ADGRB3: variants seen among roughly 807,000 people sequenced by gnomAD.
ADGRB3 encodes the protein adhesion G protein-coupled receptor B3.
In ADGRB3, 37 loss-of-function variants were observed where a neutral mutation model predicts 193.4. The observed-to-expected ratio is 0.19, with a 90% CI of 0.15 to 0.25. The LOEUF is 0.25. ADGRB3 is among the 10% of genes least tolerant of loss of function. ADGRB3 has a pLI of 1.00. For missense variants in ADGRB3, 1,637 were observed against 1,852.9 expected, an observed-to-expected ratio of 0.88 and a Z score of 2.14; for synonymous variants, 690 against 644.2, an observed-to-expected ratio of 1.07 and a Z score of -1.08.
intron 3 of ADGRB3, among the ~76,000 whole-genome samples, chr6:68,718,544 G>T (rs1401462799): frequency 6.6e-6 from 1 of 151,648 alleles, no homozygotes; most frequent in Non-Finnish European, 1.5e-5. Flanking sequence ...ATTTTCTCAA[G>T]TTGTTCCCTC....
Position 68,859,595 on chromosome 6 carries a change from G to A in ADGRB3, c.758-70964G>A, listed in dbSNP as rs116534699. On this transcript the variant is annotated intron_variant, in intron 3 of 31. Coordinates refer to ENST00000370598, the MANE Select transcript of ADGRB3 (RefSeq NM_001704.3). Reference sequence around the variant, plus strand: ...TAGCAAAGGGATGTCTTACATGGTGGCAGGCAAGAGAGAACTTGTGTAGGG... The same window carrying A: ...TAGCAAAGGGATGTCTTACATGGTGACAGGCAAGAGAGAACTTGTGTAGGG... Among the ~76,000 whole-genome samples, 511 of 152,342 alleles carry A rather than the reference G, an allele frequency of 3.4e-3. 1 individual carries two copies. The highest frequency in any genetic ancestry group is 0.012 in the African/African-American group (499 of 41,570).
chr6:68,975,248 C>T lies in ADGRB3; in HGVS notation c.1642C>T (p.Arg548Cys), dbSNP rs777291466. The change falls in exon 10 of 32, where the codon CGC becomes TGC. Residue 548 changes from arginine (R) to cysteine (C), a missense_variant. Arg to Cys is a radical substitution (Grantham distance 180). Around this residue, in one of 7 missense-constraint regions of ADGRB3, gnomAD observed 641 missense variants for 673.9 expected, o/e 0.95. Coordinates refer to ENST00000370598, the MANE Select transcript of ADGRB3 (RefSeq NM_001704.3). ...GTGACACACAGGCACCACTAGCAGA[C>T]GCTGCTCTCTCAGTCTTCATGGAGT... is the stretch of plus-strand genomic sequence containing the variant. Reference protein sequence around the residue: ...PLNATGTTSRRCSLSLHGVAF... With the variant: ...PLNATGTTSRCCSLSLHGVAF... 5 of 1,613,748 alleles carry T rather than the reference C, an allele frequency of 3.1e-6. No homozygotes were observed. The highest frequency in any genetic ancestry group is 2.2e-5 in the East Asian group (1 of 44,862).
intron 20 of ADGRB3, among the ~76,000 whole-genome samples, chr6:69,270,142 G>A (rs1767141680): frequency 6.6e-6 from 1 of 152,096 alleles, no homozygotes; most frequent in South Asian, 2.1e-4. Context: ...TTTAATATTA[G>A]ACTTCCAGCA....
intron 26 of ADGRB3, among the ~76,000 whole-genome samples, chr6:69,341,931 T>G (rs929133312): frequency 2.0e-5 from 3 of 152,164 alleles, no homozygotes; most frequent in Non-Finnish European, 4.4e-5. Flanking sequence ...GCTTCTCTTT[T>G]TCTTCAGAAT....
chr6:69,009,017 T>C (rs1769855240), intron 11 of ADGRB3, among the ~76,000 whole-genome samples: 1 of 149,260 alleles, frequency 6.7e-6, no homozygotes, highest in Admixed American at 6.8e-5. Context: ...AAACTATTTA[T>C]TGTTTTCTAT....
intron 17 of ADGRB3, among the ~76,000 whole-genome samples, chr6:69,197,344 G>A (rs1404228568): frequency 6.6e-6 from 1 of 151,732 alleles, no homozygotes; most frequent in Non-Finnish European, 1.5e-5. Context: ...ATATACATGT[G>A]TATTATAGTA....
At chr6:69,271,902 G>A (rs939679640) in intron 20 of ADGRB3, among the ~76,000 whole-genome samples, 13 of 151,972 alleles carry the variant, frequency 8.6e-5, no homozygotes, top group African/African-American at 2.4e-4. Flanking sequence ...AAAAACATAC[G>A]AATTTTTCCT....
At chr6:69,331,527 C>G in intron 23 of ADGRB3, 3 of 985,176 alleles carry the variant, frequency 3.0e-6, no homozygotes, top group Non-Finnish European at 3.6e-6. Flanking sequence ...GTTTTTTTCT[C>G]CCTTTAAGCT....
intron 20 of ADGRB3, among the ~76,000 whole-genome samples, chr6:69,310,250 T>C (rs1768162350): frequency 6.6e-6 from 1 of 151,754 alleles, no homozygotes; most frequent in African/African-American, 2.4e-5. Context: ...GACGAAATGG[T>C]ATAATGCATG....
intron 17 of ADGRB3, among the ~76,000 whole-genome samples, chr6:69,099,645 A>C (rs1027111441): frequency 6.6e-6 from 1 of 152,208 alleles, no homozygotes; most frequent in Non-Finnish European, 1.5e-5. Flanking sequence ...CTTGTTGATT[A>C]ATTCTACCCA....
chr6:69,108,769 G>C (rs1409419337), intron 17 of ADGRB3, among the ~76,000 whole-genome samples: 1 of 152,140 alleles, frequency 6.6e-6, no homozygotes, highest in East Asian at 1.9e-4. Context: ...CTTTTAGGCA[G>C]AAAACTGTGT....
rs1765086334 is a variant in ADGRB3 at position 68,859,431 on chromosome 6, C to A, written c.758-71128C>A. ...TTTCAGCAACACCCCACTCCTGGTACCAATTTACTGTATTCGTCTGTTCTC... is the reference window on the plus strand; with the variant it reads ...TTTCAGCAACACCCCACTCCTGGTAACAATTTACTGTATTCGTCTGTTCTC... On this transcript the variant is annotated intron_variant, in intron 3 of 31. Transcript: ENST00000370598. Among the ~76,000 whole-genome samples the A allele has an allele frequency of 3.3e-5, 5 of 152,276 alleles. No homozygotes were observed. The South Asian group carries it at 1.0e-3, about 32-fold the overall frequency.
intron 3 of ADGRB3, among the ~76,000 whole-genome samples, chr6:68,804,332 C>T (rs1460273026): frequency 6.6e-6 from 1 of 152,218 alleles, no homozygotes; most frequent in Non-Finnish European, 1.5e-5. Flanking sequence ...AAATGTCAAT[C>T]TGCTGTGTCA....
chr6:69,097,720 A>G (rs906683546), intron 17 of ADGRB3, among the ~76,000 whole-genome samples: 15 of 151,942 alleles, frequency 9.9e-5, no homozygotes, highest in Non-Finnish European at 5.9e-5. Flanking sequence ...GTGTGTATAT[A>G]TGGCTATATG....
At chr6:69,271,910 C>T (rs1422930529) in intron 20 of ADGRB3, among the ~76,000 whole-genome samples, 3 of 152,062 alleles carry the variant, frequency 2.0e-5, no homozygotes, top group Non-Finnish European at 4.4e-5. Context: ...ACGAATTTTT[C>T]CTTGCTTATA....
intron 26 of ADGRB3, among the ~76,000 whole-genome samples, chr6:69,344,800 G>A (rs1769049948): frequency 6.6e-6 from 1 of 152,130 alleles, no homozygotes; most frequent in African/African-American, 2.4e-5. Flanking sequence ...AAACTCATGG[G>A]TTCCTAAGGG....
chr6:68,783,409 C>T (rs1160276485), intron 3 of ADGRB3, among the ~76,000 whole-genome samples: 1 of 150,594 alleles, frequency 6.6e-6, no homozygotes, highest in Non-Finnish European at 1.5e-5. Flanking sequence ...CTAGGCTATA[C>T]TGCAGTAGCC....
intron 15 of ADGRB3, among the ~76,000 whole-genome samples, chr6:69,059,291 G>A (rs908319213): frequency 6.6e-6 from 1 of 151,782 alleles, no homozygotes; most frequent in African/African-American, 2.4e-5. Context: ...TTCTCTTTTG[G>A]TTATCTTTTA....
chr6:69,256,058 C>G lies in ADGRB3; in HGVS notation c.2814+16832C>G, dbSNP rs534620901. Among the ~76,000 whole-genome samples the G allele has an allele frequency of 3.1e-3, 477 of 151,810 alleles. 1 individual carries two copies. Among genetic ancestry groups the G allele is most frequent in the African/African-American group, 0.011 (450 of 41,366 alleles). On this transcript the variant is annotated intron_variant, in intron 20 of 31. Transcript: ENST00000370598. ...GAGGGCTCTGTTCTGTTCCATTGAT[C>G]TATATCTCTGTTTTGGTACCAGTAC...
Sources: allele counts gnomAD v4.1 joint callset (sites outside exome capture counted in the v4.1 genomes callset), GRCh38; gene constraint gnomAD v4.1.1; regional missense constraint gnomAD v4.1.1; transcripts MANE v1.5; gene names NCBI Gene and HGNC (gene_info 2026-07-23, HGNC 2026-07-21).